PCDHGB1: variants seen among roughly 807,000 people sequenced by gnomAD.
PCDHGB1 encodes protocadherin gamma subfamily B, 1, also known as protocadherin gamma-B1.
PCDHGB1 carries 34 observed loss-of-function variants against 56.6 expected under a neutral mutation model. That is an observed-to-expected ratio of 0.60 (90% CI 0.46 to 0.80). The LOEUF (loss-of-function observed/expected upper bound fraction) is 0.80, where lower values mean the gene tolerates loss of function less well. PCDHGB1 is among the 30% of genes least tolerant of loss of function. PCDHGB1 has a pLI of 0.00. For synonymous variants in PCDHGB1, 561 were observed against 505.9 expected (o/e 1.11, Z -1.46); for missense variants, 1,278 against 1,204.6 (o/e 1.06, Z -0.90).
At chr5:141,394,536 G>T in intron 1 of PCDHGB1, 2 of 1,614,188 alleles carry the variant, frequency 1.2e-6, no homozygotes, top group Non-Finnish European at 1.7e-6. Flanking sequence ...TTCCACTGGC[G>T]TGGAGCTGGC....
chr5:141,373,942 G>A (rs915722802), intron 1 of PCDHGB1: 1 of 734,324 alleles, frequency 1.4e-6, no homozygotes, highest in African/African-American at 1.8e-5. Flanking sequence ...CAGGAAAGCT[G>A]TGCAGAAATT....
chr5:141,432,808 C>T lies in PCDHGB1; in HGVS notation c.2410-61999C>T, dbSNP rs1473886709. ...TCGGCAGCCTCGAGTCTCCAGCTAA[C>T]TCTGAAACCTCAGACCTCACTCTGT... On this transcript the variant is annotated intron_variant, in intron 1 of 3. Transcript: ENST00000523390. This position sits in a 1 kb window ranked among gnomAD's most constrained non-coding sequence, Gnocchi z 6.0. 6.2e-7 allele frequency: 1 copy of T among 1,613,486 alleles called. No homozygotes were observed. Among genetic ancestry groups the T allele is most frequent in the African/African-American group, 1.3e-5 (1 of 74,426 alleles).
rs61612330 is a variant in PCDHGB1, at chr5:141,454,796, A to ATTTTTTTTTTTTTTTTTTTTTTT, written c.2410-40004_2410-39982dup. Among the ~76,000 whole-genome samples, 6 of 77,456 alleles carry ATTTTTTTTTTTTTTTTTTTTTTT rather than the reference A, an allele frequency of 7.7e-5. 1 individual carries two copies. The highest frequency in any genetic ancestry group is 8.0e-4 in the East Asian group (2 of 2,512). 50.8% of individuals were successfully genotyped at this position (77,456 alleles called of 152,430 possible). Reference sequence around the variant, plus strand: ...AAGGAAATAATCCTCCATGGTTCTAATTTTTTTTTTTTTTTTTTTTTTTTT... The same window carrying ATTTTTTTTTTTTTTTTTTTTTTT: ...AAGGAAATAATCCTCCATGGTTCTAATTTTTTTTTTTTTTTTTTTTTTTTTTTTTTTTTTTTTTTTTTTTTTTT... On this transcript the variant is annotated intron_variant, in intron 1 of 3. Transcript: ENST00000523390.
At chr5:141,423,384 C>T in intron 1 of PCDHGB1, 1 of 1,614,172 alleles carries the variant, frequency 6.2e-7, no homozygotes. Flanking sequence ...GGCTGTGGCG[C>T]TGGCATAAGT....
rs2099634686 is a variant in PCDHGB1 at position 141,486,772 on chromosome 5, T to G, written c.2410-8035T>G. 1 of 1,614,246 alleles carries G rather than the reference T, an allele frequency of 6.2e-7. No individual in the cohort carries two copies. The highest frequency in any genetic ancestry group is 8.5e-7 in the Non-Finnish European group (1 of 1,180,042). Reference sequence around the variant, plus strand: ...ATGAGCAAACCCAGACACTGCAGTTTGAGGTGCAGGCCCGGGATCGGGGCA... The same window carrying G: ...ATGAGCAAACCCAGACACTGCAGTTGGAGGTGCAGGCCCGGGATCGGGGCA... On this transcript the variant is annotated intron_variant, in intron 1 of 3. Coordinates refer to ENST00000523390, the MANE Select transcript of PCDHGB1 (RefSeq NM_018922.3). This position sits in a 1 kb window ranked among gnomAD's most constrained non-coding sequence, Gnocchi z 5.0.
intron 1 of PCDHGB1, among the ~76,000 whole-genome samples, chr5:141,436,848 AT>A (rs1247905529): frequency 6.6e-6 from 1 of 152,244 alleles, no homozygotes; most frequent in African/African-American, 2.4e-5. Flanking sequence ...CACATTCTTG[AT>A]TGAGAAGCCA....
intron 1 of PCDHGB1, among the ~76,000 whole-genome samples, chr5:141,382,367 C>T (rs778668401): frequency 8.6e-5 from 13 of 151,894 alleles, no homozygotes; most frequent in African/African-American, 3.1e-4. Flanking sequence ...TAAAATTTAC[C>T]TTTTTGCCTT....
Position 141,351,502 on chromosome 5 carries a change from C to T in PCDHGB1, c.1242C>T (p.Tyr414=), listed in dbSNP as rs754605719. 8 of 1,613,892 alleles carry T rather than the reference C, an allele frequency of 5.0e-6. No individual in the cohort carries two copies. The highest frequency in any genetic ancestry group is 6.8e-6 in the Non-Finnish European group (8 of 1,179,880). ...TAAACCGGGAGCAGACAGCAGACTACAACGTCACAATCATAGCCACCGACA... is the reference window on the plus strand; with the variant it reads ...TAAACCGGGAGCAGACAGCAGACTATAACGTCACAATCATAGCCACCGACA... ...GALNREQTAD[Y]NVTIIATDKG... is the part of the protein sequence containing the mutation. Residue 414 remains tyrosine, a synonymous_variant, in exon 1 of 4, where the codon TAC becomes TAT. Transcript: ENST00000523390.
intron 1 of PCDHGB1, chr5:141,416,557 T>C (rs1428283225): frequency 3.9e-5 from 6 of 152,112 alleles, no homozygotes; most frequent in Non-Finnish European, 8.8e-5. Flanking sequence ...CCTGAAACTC[T>C]GAAAACTCTG....
intron 1 of PCDHGB1, chr5:141,399,438 T>C (rs2093809569): frequency 1.2e-6 from 2 of 1,613,996 alleles, no homozygotes; most frequent in Admixed American, 1.7e-5. Flanking sequence ...TCATCCTACA[T>C]ATCAGAGACG....
intron 1 of PCDHGB1, among the ~76,000 whole-genome samples, chr5:141,451,924 G>C (rs1337159204): frequency 1.3e-5 from 2 of 152,008 alleles, no homozygotes; most frequent in African/African-American, 4.8e-5. Context: ...AAGGAAGGGA[G>C]GTAGGGAGGC....
chr5:141,486,608 G>A lies in PCDHGB1; in HGVS notation c.2410-8199G>A. On this transcript the variant is annotated intron_variant, in intron 1 of 3. Transcript: ENST00000523390. The surrounding 1 kb of genome is among the most constrained non-coding windows in gnomAD (Gnocchi z 5.0). ...AGGGGACCTGCTTTGCTCCCTTGCAGCCTCTGACCCAGACTCTGGCTTGAA... is the reference window on the plus strand; with the variant it reads ...AGGGGACCTGCTTTGCTCCCTTGCAACCTCTGACCCAGACTCTGGCTTGAA... 3 of 1,613,546 alleles carry A rather than the reference G, an allele frequency of 1.9e-6. No homozygotes were observed. The highest frequency in any genetic ancestry group is 2.5e-6 in the Non-Finnish European group (3 of 1,180,024).
chr5:141,383,634 T>G (rs1364470063), intron 1 of PCDHGB1: 1 of 1,613,914 alleles, frequency 6.2e-7, no homozygotes, highest in African/African-American at 1.3e-5. Context: ...TCTCTCTGCC[T>G]CAGTACCAAG....
chr5:141,419,851 C>T, intron 1 of PCDHGB1: 1 of 1,614,062 alleles, frequency 6.2e-7, no homozygotes, highest in Non-Finnish European at 8.5e-7. Context: ...ACCTGGTGTT[C>T]GCAGATAGCT....
intron 1 of PCDHGB1, chr5:141,410,847 G>GTTTTTT (rs773839667): frequency 6.3e-5 from 10 of 158,328 alleles, no homozygotes; most frequent in Admixed American, 1.8e-4. Flanking sequence ...TTTTGTCTTT[G>GTTTTTT]TCTTTTTTTT....
chr5:141,387,929 A>C, intron 1 of PCDHGB1: 1 of 1,235,330 alleles, frequency 8.1e-7, no homozygotes, highest in Non-Finnish European at 1.1e-6. Flanking sequence ...AGAGGCTGCC[A>C]GTGCTCTTTC....
intron 1 of PCDHGB1, among the ~76,000 whole-genome samples, chr5:141,466,965 C>G (rs1345790988): frequency 6.6e-6 from 1 of 152,016 alleles, no homozygotes; most frequent in African/African-American, 2.4e-5. Context: ...CAAATATTTT[C>G]TCACAGCTCA....
rs1472436870 is a variant in PCDHGB1, at chr5:141,365,479, A to G, written c.2409+12810A>G. On this transcript the variant is annotated intron_variant, in intron 1 of 3. Transcript: ENST00000523390. ...ATTCTGGAGAAAATGGTGAGATTGCATGCTCTATTCCTAGGAATTTGCCTT... is the reference window on the plus strand; with the variant it reads ...ATTCTGGAGAAAATGGTGAGATTGCGTGCTCTATTCCTAGGAATTTGCCTT... 5 of 1,613,906 alleles carry G rather than the reference A, an allele frequency of 3.1e-6. No individual in the cohort carries two copies. The East Asian group carries it at 8.9e-5, about 29-fold the overall frequency.
In PCDHGB1 at chr5:141,384,747, C is replaced by G. The variant is rs755356826; in HGVS notation, c.2409+32078C>G. 28 of 1,613,942 alleles carry G rather than the reference C, an allele frequency of 1.7e-5. No homozygotes were observed. The South Asian group carries it at 3.0e-4, about 17-fold the overall frequency. The stretch of plus-strand genomic sequence containing the variant: ...TGCTTAAGGCCAGCGAGCCAGGACT[C>G]TTTGCGGTTGGGCTGTACACGGGCG... On this transcript the variant is annotated intron_variant, in intron 1 of 3. Transcript: ENST00000523390.
Sources: allele counts gnomAD v4.1 joint callset (sites outside exome capture counted in the v4.1 genomes callset), GRCh38; gene constraint gnomAD v4.1.1; non-coding constraint Gnocchi (gnomAD v3.1); transcripts MANE v1.5; gene names NCBI Gene and HGNC (gene_info 2026-07-23, HGNC 2026-07-21).